EVC2: variants seen among roughly 807,000 people sequenced by gnomAD.
EVC2 encodes EvC ciliary complex subunit 2.
A neutral mutation model predicts 149.3 loss-of-function variants in EVC2; 148 were observed. The observed-to-expected ratio is 0.99, with a 90% CI of 0.87 to 1.14. The LOEUF (loss-of-function observed/expected upper bound fraction) is 1.14. Among genes scored for constraint, EVC2 ranks in the 50% most tolerant of loss-of-function variants. EVC2 has a pLI of 0.00. For synonymous variants in EVC2, 776 were observed against 649.9 expected (o/e 1.19, Z -2.95); for missense variants, 1,854 against 1,627.3 (o/e 1.14, Z -2.40).
At chr4:5,707,665 G>A (rs1722301436) in intron 1 of EVC2, among the ~76,000 whole-genome samples, 1 of 152,088 alleles carries the variant, frequency 6.6e-6, no homozygotes, top group Non-Finnish European at 1.5e-5. Context: ...GCAGACATCC[G>A]AGCTGATTTG....
intron 17 of EVC2, among the ~76,000 whole-genome samples, chr4:5,583,104 T>C (rs906627643): frequency 1.4e-5 from 2 of 142,100 alleles, no homozygotes; most frequent in Admixed American, 1.4e-4. Context: ...ATTCTCTATA[T>C]ACTAAAATGA....
chr4:5,575,523 T>G (rs1029736031), intron 18 of EVC2, among the ~76,000 whole-genome samples: 8 of 152,218 alleles, frequency 5.3e-5, no homozygotes, highest in Admixed American at 4.6e-4. Context: ...TCATCTGTAA[T>G]TTCACTGCCC....
At chr4:5,556,932 T>C (rs1721850835) in intron 21 of EVC2, among the ~76,000 whole-genome samples, 4 of 152,034 alleles carry the variant, frequency 2.6e-5, no homozygotes, top group African/African-American at 9.7e-5. Context: ...CAATCTATAA[T>C]TGGTACCCTT....
chr4:5,571,317 C>CAAAA (rs1208168465), intron 19 of EVC2, among the ~76,000 whole-genome samples: 11 of 78,456 alleles, frequency 1.4e-4, no homozygotes, highest in East Asian at 4.0e-4. Flanking sequence ...GACTCCATCT[C>CAAAA]AAAAAAAAAA....
At chr4:5,654,538 G>T (rs938657253) in intron 9 of EVC2, among the ~76,000 whole-genome samples, 2 of 152,186 alleles carry the variant, frequency 1.3e-5, no homozygotes, top group African/African-American at 4.8e-5. Context: ...ATTTCCAAGG[G>T]TTTCCTCCAA....
chr4:5,582,316 C>T (rs1280791234), intron 17 of EVC2, among the ~76,000 whole-genome samples: 1 of 152,214 alleles, frequency 6.6e-6, no homozygotes, highest in Non-Finnish European at 1.5e-5. Flanking sequence ...CTGCCCAAGG[C>T]TTTGGGAGCC....
In EVC2 at chr4:5,576,405, T is replaced by G; in HGVS notation, c.3107A>C (p.Glu1036Ala). ...RKLEDQLVQQEAAQQQQALAS... is the reference protein window; with the variant it reads ...RKLEDQLVQQAAAQQQQALAS... ...CAGGGCCTGCTGCTGCTGGGCTGCC[T>G]CCTGCTGCACCAGCTGGTCCTCCAG... The change falls in exon 18 of 22, where the codon GAG becomes GCG. Residue 1036 changes from glutamate (E) to alanine (A), a missense_variant. Physicochemically the swap from Glu to Ala is moderately radical, Grantham distance 107 (BLOSUM62 -1). Coordinates refer to ENST00000344408, the MANE Select transcript of EVC2 (RefSeq NM_147127.5). This position sits in a 1 kb window ranked among gnomAD's most constrained non-coding sequence, Gnocchi z 4.5. 1 of 1,612,912 alleles carries G rather than the reference T, an allele frequency of 6.2e-7. No individual in the cohort carries two copies.
the EVC2 span, among the ~76,000 whole-genome samples, chr4:5,530,722 G>A: frequency 0.013 from 2,032 of 152,308 alleles, 167 homozygotes; most frequent in Admixed American, 0.12. Flanking sequence ...AATTTTAGCT[G>A]ATTGAGGTTA....
At chr4:5,698,722 A>G (rs532289741) in intron 1 of EVC2, among the ~76,000 whole-genome samples, 2 of 152,358 alleles carry the variant, frequency 1.3e-5, no homozygotes, top group African/African-American at 2.4e-5. Flanking sequence ...CACTACCCCC[A>G]GTCTACAGTA....
At chr4:5,580,365 A>G (rs1416798797) in intron 17 of EVC2, among the ~76,000 whole-genome samples, 2 of 152,248 alleles carry the variant, frequency 1.3e-5, no homozygotes, top group Non-Finnish European at 2.9e-5. Flanking sequence ...CTCAGGACAC[A>G]TTAACTCTCT....
downstream of EVC2, among the ~76,000 whole-genome samples, chr4:5,541,478 C>G (rs1451469417): frequency 6.6e-6 from 1 of 152,202 alleles, no homozygotes; most frequent in Non-Finnish European, 1.5e-5. Context: ...AGAGCGAGTG[C>G]TGGAATAAGA....
Position 5,679,197 on chromosome 4 carries a change from C to T in EVC2, c.870+2063G>A, listed in dbSNP as rs1720183089. ...AGGCGTAGGGTATGACTGTACACGACTATAGACTTTAGAAACACTGTACCC... is the reference window on the plus strand; with the variant it reads ...AGGCGTAGGGTATGACTGTACACGATTATAGACTTTAGAAACACTGTACCC... On this transcript the variant is annotated intron_variant, in intron 7 of 21. Coordinates refer to ENST00000344408, the MANE Select transcript of EVC2 (RefSeq NM_147127.5). The surrounding 1 kb of genome is among the most constrained non-coding windows in gnomAD (Gnocchi z 5.1). Among the ~76,000 whole-genome samples, 1 of 151,952 alleles carries T rather than the reference C, an allele frequency of 6.6e-6. No homozygotes were observed. Among genetic ancestry groups the T allele is most frequent in the African/African-American group, 2.4e-5 (1 of 41,342 alleles).
In EVC2 at chr4:5,618,502, C is replaced by G. The variant is rs772672973; in HGVS notation, c.2682G>C (p.Gln894His). Residue 894 changes from glutamine (Q) to histidine (H), a missense_variant, in exon 15 of 22, where the codon CAG becomes CAC. Gln to His is a conservative substitution (Grantham distance 24, BLOSUM62 0). Transcript: ENST00000344408. This position sits in a 1 kb window ranked among gnomAD's most constrained non-coding sequence, Gnocchi z 4.4. ...CCTGCAGCTCAGGGGCAGCCACGGC[C>G]TGGTCCAGCTTCACGAACTCTGCTT... is the stretch of plus-strand genomic sequence containing the variant. ...WREAEFVKLDQAVAAPELQQQ... is the reference protein window; with the variant it reads ...WREAEFVKLDHAVAAPELQQQ... 6.8e-6 allele frequency: 11 copies of G among 1,613,362 alleles called. No homozygotes were observed. The African/African-American group carries it at 1.2e-4, about 18-fold the overall frequency.
chr4:5,600,057 G>A (rs1427389069), intron 16 of EVC2, among the ~76,000 whole-genome samples: 1 of 152,144 alleles, frequency 6.6e-6, no homozygotes, highest in Non-Finnish European at 1.5e-5. Context: ...AAAGAAATGA[G>A]GGGCATCCCT....
At chr4:5,664,919 G>A (rs923809545) in intron 8 of EVC2, among the ~76,000 whole-genome samples, 2 of 151,350 alleles carry the variant, frequency 1.3e-5, no homozygotes, top group African/African-American at 2.4e-5. Context: ...TGGGGTGCGT[G>A]TGGGTGACGG....
At chr4:5,634,284 A>T (rs919645851) in intron 10 of EVC2, among the ~76,000 whole-genome samples, 1 of 152,220 alleles carries the variant, frequency 6.6e-6, no homozygotes, top group Non-Finnish European at 1.5e-5. Context: ...GATCTAAATC[A>T]AAGGATGCAA....
At chr4:5,547,670 C>T (rs58531261) in intron 21 of EVC2, among the ~76,000 whole-genome samples, 11,732 of 152,228 alleles carry the variant, frequency 0.077, 776 homozygotes, top group African/African-American at 0.17. Context: ...CTGTGTCACT[C>T]AATAAAGCTC....
intron 16 of EVC2, among the ~76,000 whole-genome samples, chr4:5,608,914 T>C (rs1192549745): frequency 6.6e-6 from 1 of 152,172 alleles, no homozygotes; most frequent in East Asian, 1.9e-4. Context: ...CCCCAGGGCC[T>C]GAATAGAACA....
intron 3 of EVC2, among the ~76,000 whole-genome samples, chr4:5,693,813 G>A (rs1314961758): frequency 1.3e-5 from 2 of 152,176 alleles, no homozygotes; most frequent in African/African-American, 4.8e-5. Context: ...AACAGCAAGA[G>A]CACGGAGCTC....
Sources: gnomAD v4.1 joint callset for allele counts (sites outside exome capture counted in the v4.1 genomes callset) on GRCh38, gnomAD v4.1.1 for gene constraint, Gnocchi (gnomAD v3.1) non-coding constraint, MANE v1.5 for transcripts, NCBI Gene and HGNC (gene_info 2026-07-23, HGNC 2026-07-21) for gene names.